Variants in ERC2 observed in about 807,000 individuals in gnomAD.
ERC2 encodes ELKS/RAB6-interacting/CAST family member 2.
In ERC2, 42 loss-of-function variants were observed where a neutral mutation model predicts 114.8. That is an observed-to-expected ratio of 0.37 (90% CI 0.29 to 0.47). The LOEUF (loss-of-function observed/expected upper bound fraction) is 0.47. Among genes scored for constraint, ERC2 ranks in the 20% least tolerant of loss-of-function variants. ERC2 has a pLI of 0.99. For missense variants in ERC2, 939 were observed against 1,150.7 expected, an observed-to-expected ratio of 0.82 and a Z score of 2.66; for synonymous variants, 454 against 425.5, an observed-to-expected ratio of 1.07 and a Z score of -0.82.
chr3:55,859,910 T>C (rs2061958865), intron 14 of ERC2, among the ~76,000 whole-genome samples: 1 of 152,030 alleles, frequency 6.6e-6, no homozygotes. Flanking sequence ...ATGCCCTCTG[T>C]CCTAAATTAA....
intron 2 of ERC2, among the ~76,000 whole-genome samples, chr3:56,420,852 G>A (rs1311718221): frequency 4.7e-5 from 7 of 150,226 alleles, no homozygotes; most frequent in South Asian, 2.1e-4. Flanking sequence ...AGCTGAGATC[G>A]CCCCACCGCA....
At chr3:55,884,180 A>T (rs1217752200) in intron 14 of ERC2, among the ~76,000 whole-genome samples, 2 of 152,232 alleles carry the variant, frequency 1.3e-5, no homozygotes, top group Non-Finnish European at 2.9e-5. Context: ...CAGAATGCTT[A>T]TCAGAACACT....
At chr3:55,751,365 GA>G (rs2066695830) in intron 14 of ERC2, among the ~76,000 whole-genome samples, 1 of 152,152 alleles carries the variant, frequency 6.6e-6, no homozygotes, top group African/African-American at 2.4e-5. Flanking sequence ...GGTCTTCAGT[GA>G]CCACAGAAGG....
At chr3:55,728,486 C>T (rs2065055386) in intron 15 of ERC2, among the ~76,000 whole-genome samples, 2 of 152,156 alleles carry the variant, frequency 1.3e-5, no homozygotes, top group Non-Finnish European at 2.9e-5. Context: ...GAGGGAAAAA[C>T]ATTCCAGGCA....
At position 56,333,544 on chromosome 3, in the gene ERC2, C is replaced by T. The variant is rs192507672; in HGVS notation, c.658-37109G>A. Among the ~76,000 whole-genome samples the T allele has an allele frequency of 8.5e-5, 13 of 152,260 alleles. No homozygotes were observed. The South Asian group carries it at 2.5e-3, about 29-fold the overall frequency. On this transcript the variant is annotated intron_variant, in intron 2 of 17. Transcript: ENST00000288221. ...AACAAATACTATCAAAATAATTTGT[C>T]TAAAAATAATTGTTAGTTCATATTT...
intron 15 of ERC2, among the ~76,000 whole-genome samples, chr3:55,721,402 G>A (rs933826795): frequency 1.3e-5 from 2 of 152,266 alleles, no homozygotes; most frequent in Admixed American, 6.5e-5. Flanking sequence ...CTGCAAAAGC[G>A]AATCCTGCCA....
intron 14 of ERC2, among the ~76,000 whole-genome samples, chr3:55,750,210 G>T (rs1388198136): frequency 6.6e-6 from 1 of 152,052 alleles, no homozygotes; most frequent in African/African-American, 2.4e-5. Flanking sequence ...ATAAATAATA[G>T]TTTATTAACA....
intron 16 of ERC2, among the ~76,000 whole-genome samples, chr3:55,687,133 C>T (rs2062374631): frequency 6.6e-6 from 1 of 152,182 alleles, no homozygotes; most frequent in Admixed American, 6.5e-5. Context: ...CAAAATTCCT[C>T]ACCGATGGGC....
intron 3 of ERC2, among the ~76,000 whole-genome samples, chr3:56,229,860 G>GACTTT (rs2050495132): frequency 1.0e-5 from 1 of 96,846 alleles, no homozygotes; most frequent in African/African-American, 3.8e-5. Context: ...CAAATATCTA[G>GACTTT]TCTTTTTTTT....
chr3:56,192,793 T>C (rs1350595544), intron 3 of ERC2, among the ~76,000 whole-genome samples: 3 of 152,172 alleles, frequency 2.0e-5, no homozygotes, highest in African/African-American at 7.2e-5. Context: ...CCCATTGGCC[T>C]CAGTCATGGC....
chr3:55,997,880 G>GTTTGT lies in ERC2; in HGVS notation c.2062-5631_2062-5630insACAAA, dbSNP rs1559996207. 1.1e-4 allele frequency among the ~76,000 whole-genome samples: 5 copies of GTTTGT among 44,788 alleles called. 1 individual carries two copies. Among genetic ancestry groups the GTTTGT allele is most frequent in the Non-Finnish European group, 1.2e-4 (3 of 24,860 alleles). The allele number at this position is 44,788 out of a possible 152,430, so 29.4% of individuals were successfully genotyped here. A position where few individuals can be genotyped will look rare whatever the true frequency, so the allele number is the denominator to read the frequency against. ...TTGAAATGTTATACATCTTAATTCT[G>GTTTGT]TTTTTTTTTTTTTTTTTTTTTTTTT... On this transcript the variant is annotated intron_variant, in intron 10 of 17. Transcript: ENST00000288221.
intron 2 of ERC2, among the ~76,000 whole-genome samples, chr3:56,327,836 G>A (rs964781862): frequency 6.6e-6 from 1 of 152,260 alleles, no homozygotes; most frequent in South Asian, 2.1e-4. Flanking sequence ...TCATCCCAAG[G>A]CAAGGAGGAA....
intron 2 of ERC2, among the ~76,000 whole-genome samples, chr3:56,411,835 A>T (rs937802014): frequency 6.6e-6 from 1 of 152,196 alleles, no homozygotes. Flanking sequence ...CAAACTGCCC[A>T]GGGGGCTTCA....
intron 13 of ERC2, among the ~76,000 whole-genome samples, chr3:55,900,129 G>A (rs936195174): frequency 3.3e-5 from 5 of 152,112 alleles, no homozygotes; most frequent in Non-Finnish European, 7.4e-5. Flanking sequence ...GGTGGGGAGA[G>A]CCCAATTGTT....
rs1453596950 is a variant in ERC2, at chr3:56,311,284, T to C, written c.658-14849A>G. Among the ~76,000 whole-genome samples the C allele has an allele frequency of 1.4e-3, 123 of 88,238 alleles. 2 individuals are homozygous for C. The highest frequency in any genetic ancestry group is 3.8e-3 in the Admixed American group (29 of 7,598). The allele number at this position is 88,238 out of a possible 152,430, so 57.9% of individuals were successfully genotyped here. ...ATATATATATATATATATATATATATATATATACACACATATATATAATTT... is the reference window on the plus strand; with the variant it reads ...ATATATATATATATATATATATATACATATATACACACATATATATAATTT... On this transcript the variant is annotated intron_variant, in intron 2 of 17. Coordinates refer to ENST00000288221, the MANE Select transcript of ERC2 (RefSeq NM_015576.3).
At chr3:55,864,364 A>G (rs1419983238) in intron 14 of ERC2, among the ~76,000 whole-genome samples, 1 of 151,416 alleles carries the variant, frequency 6.6e-6, no homozygotes, top group Admixed American at 6.6e-5. Context: ...TAGCAGTTTC[A>G]TATGGTACAA....
chr3:55,902,504 G>A (rs538257503), intron 13 of ERC2, among the ~76,000 whole-genome samples: 3 of 152,256 alleles, frequency 2.0e-5, no homozygotes, highest in East Asian at 1.9e-4. Flanking sequence ...CGTACAAAGC[G>A]GCTGGTAAGG....
intron 17 of ERC2, among the ~76,000 whole-genome samples, chr3:55,665,993 C>T (rs375693901): frequency 2.6e-5 from 4 of 152,210 alleles, no homozygotes; most frequent in East Asian, 3.8e-4. Flanking sequence ...CCTTAAACAT[C>T]ACAGCCTCAG....
intron 17 of ERC2, among the ~76,000 whole-genome samples, chr3:55,548,050 G>A (rs2054883123): frequency 6.6e-6 from 1 of 152,226 alleles, no homozygotes. Context: ...GTCCACAATA[G>A]GGGCTGGGGA....
Sources: gnomAD v4.1 joint callset for allele counts (sites outside exome capture counted in the v4.1 genomes callset) on GRCh38, gnomAD v4.1.1 for gene constraint, MANE v1.5 for transcripts, NCBI Gene and HGNC (gene_info 2026-07-23, HGNC 2026-07-21) for gene names.